CASK: variants seen among roughly 807,000 people sequenced by gnomAD.
CASK encodes peripheral plasma membrane protein CASK.
A neutral mutation model predicts 82.9 loss-of-function variants in CASK; 4 were observed. That is an observed-to-expected ratio of 0.05 (90% CI 0.02 to 0.11). CASK has a LOEUF of 0.11. Ranked by LOEUF, CASK falls within the 10% of genes least tolerant of loss-of-function variation. The probability of loss-of-function intolerance (pLI) is 1.00; values close to 1 mark genes in which losing one functional copy is unlikely to be tolerated. For missense variants in CASK, 358 were observed against 720.9 expected (o/e 0.50, Z 5.76); for synonymous variants, 259 against 253.5 (o/e 1.02, Z -0.20).
intron 5 of CASK, among the ~76,000 whole-genome samples, chrX:41,736,524 CAAACAAACAAA>C (rs2068502826): frequency 9.0e-6 from 1 of 111,483 alleles, no homozygotes; most frequent in East Asian, 2.8e-4. Context: ...ACAAAACAAA[CAAACAAACAAA>C]AAACAAACAA....
At chrX:41,809,941 T>C (rs1249375344) in intron 2 of CASK, among the ~76,000 whole-genome samples, 3 of 112,027 alleles carry the variant, frequency 2.7e-5, no homozygotes, top group Non-Finnish European at 5.6e-5. Context: ...ACGTGACAAA[T>C]GCACAAGCTT....
chrX:41,525,617 T>C (rs1264224755), intron 25 of CASK, among the ~76,000 whole-genome samples: 2 of 111,468 alleles, frequency 1.8e-5, no homozygotes, highest in African/African-American at 6.5e-5. Context: ...ATCTCACTCA[T>C]GCCCAATATG....
chrX:41,595,948 G>A (rs1455574146), intron 12 of CASK, among the ~76,000 whole-genome samples: 1 of 111,532 alleles, frequency 9.0e-6, no homozygotes, highest in Non-Finnish European at 1.9e-5. Context: ...TACAAGCCTT[G>A]CCATGTTAAA....
chrX:41,552,077 C>T (rs1481033971), intron 21 of CASK, among the ~76,000 whole-genome samples: 1 of 103,071 alleles, frequency 9.7e-6, no homozygotes, highest in Non-Finnish European at 2.0e-5. Context: ...TAGGTGCCTG[C>T]CATCACACCT....
At chrX:41,809,483 T>C (rs1436994835) in intron 2 of CASK, among the ~76,000 whole-genome samples, 1 of 112,449 alleles carries the variant, frequency 8.9e-6, no homozygotes, top group Non-Finnish European at 1.9e-5. Context: ...AAACAGGATC[T>C]GGAGTGGACC....
intron 3 of CASK, among the ~76,000 whole-genome samples, chrX:41,772,179 C>T (rs1344902691): frequency 1.9e-5 from 2 of 107,491 alleles, no homozygotes; most frequent in Non-Finnish European, 3.9e-5. Flanking sequence ...GGTGAAACCC[C>T]GTCTCTACTA....
chrX:41,838,724 A>G (rs1329413041), intron 2 of CASK, among the ~76,000 whole-genome samples: 1 of 110,971 alleles, frequency 9.0e-6, no homozygotes, highest in African/African-American at 3.3e-5. Flanking sequence ...CGCGCCACTG[A>G]ACTCCAGCCT....
At chrX:41,601,559 G>A (rs2065893967) in intron 12 of CASK, among the ~76,000 whole-genome samples, 1 of 111,430 alleles carries the variant, frequency 9.0e-6, no homozygotes, top group Non-Finnish European at 1.9e-5. Flanking sequence ...TAAATTCTTA[G>A]CCACAAAGCT....
At chrX:41,646,241 C>T (rs1261021469) in intron 8 of CASK, among the ~76,000 whole-genome samples, 1 of 110,894 alleles carries the variant, frequency 9.0e-6, no homozygotes, top group Non-Finnish European at 1.9e-5. Flanking sequence ...GAAAACCATG[C>T]CCTAAAAATT....
At chrX:41,685,184 A>G (rs771440688) in intron 5 of CASK, among the ~76,000 whole-genome samples, 2 of 112,093 alleles carry the variant, frequency 1.8e-5, no homozygotes, top group Admixed American at 1.9e-4. Flanking sequence ...AGTGAGGTTC[A>G]TTTGTTTCAA....
chrX:41,592,325 T>C (rs144368669), intron 12 of CASK, among the ~76,000 whole-genome samples: 27 of 111,462 alleles, frequency 2.4e-4, no homozygotes, highest in Non-Finnish European at 4.1e-4. Flanking sequence ...TCTAATTCCA[T>C]GATAAACTGT....
At chrX:41,698,548 A>G (rs1224985290) in intron 5 of CASK, among the ~76,000 whole-genome samples, 2 of 111,707 alleles carry the variant, frequency 1.8e-5, no homozygotes, top group Admixed American at 9.5e-5. Context: ...GGTGCTTACA[A>G]GAAAAAAAGT....
chrX:41,803,722 G>T (rs2070053375), intron 2 of CASK, among the ~76,000 whole-genome samples: 1 of 111,972 alleles, frequency 8.9e-6, no homozygotes, highest in Admixed American at 9.5e-5. Context: ...ATAAAAATGG[G>T]GAAGGGAAAG....
intron 6 of CASK, among the ~76,000 whole-genome samples, chrX:41,666,347 C>T (rs150982944): frequency 3.5e-4 from 39 of 111,960 alleles, no homozygotes; most frequent in African/African-American, 1.0e-3. Flanking sequence ...GGCTTGTACC[C>T]GGCAGGAAGA....
chrX:41,599,815 A>G (rs2065869172), intron 12 of CASK, among the ~76,000 whole-genome samples: 1 of 111,723 alleles, frequency 9.0e-6, no homozygotes, highest in Non-Finnish European at 1.9e-5. Context: ...GTAAAACACA[A>G]ATCATAATGC....
intron 10 of CASK, among the ~76,000 whole-genome samples, chrX:41,625,127 T>C (rs1258970351): frequency 9.0e-6 from 1 of 110,956 alleles, no homozygotes; most frequent in African/African-American, 3.3e-5. Flanking sequence ...ACTGGTAAGA[T>C]GGAAATCTGA....
intron 2 of CASK, among the ~76,000 whole-genome samples, chrX:41,830,715 G>A (rs62589186): frequency 0.16 from 16,973 of 106,071 alleles, 1,396 homozygotes; most frequent in Middle Eastern, 0.3. Context: ...AGCTACTCAG[G>A]AGGCTGAGGC....
chrX:41,705,923 C>T (rs927973534), intron 5 of CASK, among the ~76,000 whole-genome samples: 3 of 110,890 alleles, frequency 2.7e-5, no homozygotes, highest in Admixed American at 9.6e-5. Flanking sequence ...TTTTCCTTTC[C>T]TGTACTCAGC....
At chrX:41,813,692 C>T (rs2147888481) in intron 2 of CASK, among the ~76,000 whole-genome samples, 1 of 111,803 alleles carries the variant, frequency 8.9e-6, no homozygotes, top group East Asian at 2.8e-4. Context: ...GCAAGGACTT[C>T]ATGTCCAAAA....
Sources: gnomAD v4.1 joint callset for allele counts (sites outside exome capture counted in the v4.1 genomes callset) on GRCh38, gnomAD v4.1.1 for gene constraint, MANE v1.5 for transcripts, NCBI Gene and HGNC (gene_info 2026-07-23, HGNC 2026-07-21) for gene names.